Variants in IL1RAPL2 observed in about 807,000 individuals in gnomAD.
The protein encoded by IL1RAPL2 is X-linked interleukin-1 receptor accessory protein-like 2.
In IL1RAPL2, 3 loss-of-function variants were observed where a neutral mutation model predicts 44.1. That is an observed-to-expected ratio of 0.07 (90% CI 0.03 to 0.18). The LOEUF (loss-of-function observed/expected upper bound fraction) is 0.18, where lower values mean the gene tolerates loss of function less well. Ranked by LOEUF, IL1RAPL2 falls within the 10% of genes least tolerant of loss-of-function variation. The pLI is 1.00. For synonymous variants in IL1RAPL2, 181 were observed against 178.8 expected (o/e 1.01, Z -0.10); for missense variants, 391 against 496.4 (o/e 0.79, Z 2.02).
chrX:105,189,354 C>T (rs1221977591), intron 2 of IL1RAPL2, among the ~76,000 whole-genome samples: 2 of 111,978 alleles, frequency 1.8e-5, no homozygotes, highest in African/African-American at 6.5e-5. Flanking sequence ...GCGACTCGTG[C>T]CTCACCCTCC....
At chrX:105,125,501 A>G (rs2032965881) in intron 2 of IL1RAPL2, among the ~76,000 whole-genome samples, 1 of 111,254 alleles carries the variant, frequency 9.0e-6, no homozygotes, top group African/African-American at 3.2e-5. Context: ...ATAACAAAAT[A>G]TCTTTAAAAG....
At chrX:105,425,574 G>C (rs914552778) in intron 5 of IL1RAPL2, among the ~76,000 whole-genome samples, 4 of 107,903 alleles carry the variant, frequency 3.7e-5, no homozygotes, top group African/African-American at 1.4e-4. Flanking sequence ...TTGACTCAGT[G>C]TAACTTCCCT....
intron 2 of IL1RAPL2, among the ~76,000 whole-genome samples, chrX:105,066,494 A>G (rs2032139406): frequency 9.0e-6 from 1 of 110,771 alleles, no homozygotes; most frequent in Admixed American, 9.6e-5. Flanking sequence ...TGTCAGTTAC[A>G]TATATGCCTG....
chrX:105,536,440 A>G (rs1342039320), intron 6 of IL1RAPL2, among the ~76,000 whole-genome samples: 2 of 107,824 alleles, frequency 1.9e-5, no homozygotes, highest in Admixed American at 9.9e-5. Flanking sequence ...AAAAAAAAAA[A>G]GGAAAAAACC....
chrX:104,723,694 A>C (rs1046943888), intron 2 of IL1RAPL2, among the ~76,000 whole-genome samples: 7 of 110,765 alleles, frequency 6.3e-5, no homozygotes, highest in African/African-American at 2.3e-4. Context: ...GGATGGAAAA[A>C]AAAATCTCCT....
At chrX:105,264,072 T>A (rs60339832) in intron 4 of IL1RAPL2, among the ~76,000 whole-genome samples, 7,668 of 110,984 alleles carry the variant, frequency 0.069, 693 homozygotes, top group African/African-American at 0.24. Flanking sequence ...TACTCAGATC[T>A]CATCTTGAAT....
At chrX:104,941,971 T>G (rs948711636) in intron 2 of IL1RAPL2, among the ~76,000 whole-genome samples, 17 of 111,691 alleles carry the variant, frequency 1.5e-4, no homozygotes, top group Non-Finnish European at 3.2e-4. Flanking sequence ...TTTCCCCATT[T>G]CTTGTTTTTG....
In IL1RAPL2 at chrX:105,479,181, A is replaced by ACAC. The variant is rs745606508; in HGVS notation, c.698-5130_698-5129insCCA. 2.7e-5 allele frequency among the ~76,000 whole-genome samples: 3 copies of ACAC among 111,570 alleles called. No homozygotes were observed. The South Asian group carries it at 1.1e-3, about 42-fold the overall frequency. On this transcript the variant is annotated intron_variant, in intron 5 of 10. Transcript: ENST00000372582. ...AGTATTGTGGGCCTGGTGAAATCAG[A>ACAC]CAGAACTCAATTCAGGTCCCTTCTT...
chrX:105,078,037 C>G (rs890617039), intron 2 of IL1RAPL2, among the ~76,000 whole-genome samples: 1 of 111,593 alleles, frequency 9.0e-6, no homozygotes, highest in Non-Finnish European at 1.9e-5. Flanking sequence ...CCTCTCTCAA[C>G]TCGTCATTCT....
chrX:104,766,566 C>T (rs1030886605), intron 2 of IL1RAPL2, among the ~76,000 whole-genome samples: 1 of 111,935 alleles, frequency 8.9e-6, no homozygotes, highest in Non-Finnish European at 1.9e-5. Context: ...TCATTGGATA[C>T]TTATTATGTC....
At chrX:104,994,564 C>T (rs1273311187) in intron 2 of IL1RAPL2, among the ~76,000 whole-genome samples, 1 of 111,304 alleles carries the variant, frequency 9.0e-6, no homozygotes, top group Non-Finnish European at 1.9e-5. Context: ...AGAATAAGGG[C>T]AAAGTTTAAC....
intron 4 of IL1RAPL2, among the ~76,000 whole-genome samples, chrX:105,264,592 G>A (rs922411506): frequency 9.0e-6 from 1 of 111,568 alleles, no homozygotes; most frequent in South Asian, 3.8e-4. Flanking sequence ...TTTGCAAAAG[G>A]CGTATTAGTG....
chrX:104,659,849 C>T (rs1930352809), intron 2 of IL1RAPL2, among the ~76,000 whole-genome samples: 1 of 111,709 alleles, frequency 9.0e-6, no homozygotes, highest in Non-Finnish European at 1.9e-5. Flanking sequence ...CAATGAAATG[C>T]ATGCTTACTT....
chrX:105,056,811 A>G (rs1171535505), intron 2 of IL1RAPL2, among the ~76,000 whole-genome samples: 3 of 112,362 alleles, frequency 2.7e-5, no homozygotes, highest in Non-Finnish European at 5.6e-5. Flanking sequence ...TCAGTAAAAC[A>G]CTAAATTAGC....
chrX:104,847,269 A>G (rs755393631), intron 2 of IL1RAPL2, among the ~76,000 whole-genome samples: 46 of 111,909 alleles, frequency 4.1e-4, no homozygotes, highest in Non-Finnish European at 5.8e-4. Flanking sequence ...GTCCTTGCCC[A>G]TGCCTATGTC....
chrX:105,399,444 A>G (rs1221009528), intron 5 of IL1RAPL2, among the ~76,000 whole-genome samples: 2 of 110,531 alleles, frequency 1.8e-5, no homozygotes, highest in Non-Finnish European at 3.8e-5. Flanking sequence ...TTAATACTCC[A>G]AACATATGCT....
chrX:105,034,734 T>C (rs1019886948), intron 2 of IL1RAPL2, among the ~76,000 whole-genome samples: 35 of 112,194 alleles, frequency 3.1e-4, no homozygotes, highest in African/African-American at 1.0e-3. Context: ...GATCTCCAGC[T>C]GCATGCTGGG....
intron 6 of IL1RAPL2, among the ~76,000 whole-genome samples, chrX:105,645,449 G>A (rs965639900): frequency 2.1e-4 from 24 of 111,658 alleles, no homozygotes; most frequent in African/African-American, 4.6e-4. Context: ...TCTTAGCTAC[G>A]GGCCAAAAGT....
intron 2 of IL1RAPL2, among the ~76,000 whole-genome samples, chrX:105,017,995 G>A (rs1392637596): frequency 9.0e-6 from 1 of 111,505 alleles, no homozygotes; most frequent in Non-Finnish European, 1.9e-5. Flanking sequence ...TACTAAGAGA[G>A]GCCTCTTGAC....
Sources: allele counts gnomAD v4.1 joint callset (sites outside exome capture counted in the v4.1 genomes callset), GRCh38; gene constraint gnomAD v4.1.1; transcripts MANE v1.5; gene names NCBI Gene and HGNC (gene_info 2026-07-23, HGNC 2026-07-21).